The following MFSD8 variants were observed in gnomAD, a reference collection of about 807,000 sequenced individuals.
The protein encoded by MFSD8 is major facilitator superfamily domain-containing protein 8.
A neutral mutation model predicts 66.4 loss-of-function variants in MFSD8; 55 were observed. The ratio of observed to expected loss-of-function variants is 0.83; its 90% confidence interval spans 0.67 to 1.04. MFSD8 has a LOEUF of 1.04. Ranked by LOEUF, MFSD8 falls within the 50% of genes least tolerant of loss-of-function variation. The probability of loss-of-function intolerance (pLI) is 0.00; values close to 1 mark genes in which losing one functional copy is unlikely to be tolerated. For synonymous variants in MFSD8, 202 were observed against 212.8 expected (o/e 0.95, Z 0.44); for missense variants, 550 against 627.6 (o/e 0.88, Z 1.32).
intron 2 of MFSD8, 33 bp from the exon 3 acceptor site, chr4:127,949,880 A>G (rs777003605): frequency 1.3e-6 from 2 of 1,557,848 alleles, no homozygotes; most frequent in Admixed American, 3.4e-5. Context: ...ATTTATACTT[A>G]TAATAATTTA....
chr4:127,952,730 C>T (rs1179248772), intron 2 of MFSD8, among the ~76,000 whole-genome samples: 3 of 151,606 alleles, frequency 2.0e-5, no homozygotes, highest in Middle Eastern at 3.4e-3. Context: ...ATTAGCTGGG[C>T]GTGGTGGCAG....
intron 4 of MFSD8, chr4:127,943,370 T>G (rs893786330): frequency 8.7e-6 from 2 of 229,364 alleles, no homozygotes; most frequent in South Asian, 5.6e-5. Context: ...GAGCTTGAAT[T>G]GGATCTATTT....
chr4:127,949,916 G>C (rs1289715585), intron 2 of MFSD8, 69 bp from the exon 3 acceptor site: 1 of 1,380,154 alleles, frequency 7.2e-7, no homozygotes, highest in Non-Finnish European at 1.0e-6. Context: ...ACAATTTTCT[G>C]AACCGTGGCA....
chr4:127,932,669 T>G (rs921973521), intron 8 of MFSD8: 4 of 223,702 alleles, frequency 1.8e-5, no homozygotes, highest in Admixed American at 5.4e-5. Context: ...TAGGAAATTA[T>G]AGAGCTTAAG....
intron 7 of MFSD8, among the ~76,000 whole-genome samples, chr4:127,935,192 C>T (rs1738861637): frequency 6.6e-6 from 1 of 152,154 alleles, no homozygotes; most frequent in African/African-American, 2.4e-5. Flanking sequence ...GGGGTAGGCC[C>T]TGATGGTTGT....
intron 2 of MFSD8, among the ~76,000 whole-genome samples, chr4:127,956,369 G>A (rs1360137209): frequency 3.3e-5 from 5 of 151,052 alleles, no homozygotes; most frequent in South Asian, 2.1e-4. Context: ...GCGTGGTGGC[G>A]GGTGTCTGTA....
chr4:127,929,363 A>T lies in MFSD8; in HGVS notation c.998+1320T>A, dbSNP rs556145431. Among the ~76,000 whole-genome samples the T allele has an allele frequency of 5.5e-5, 8 of 144,230 alleles. No individual in the cohort carries two copies. In the East Asian group the frequency reaches 1.4e-3, roughly 25 times the overall value. The allele number at this position is 144,230 out of a possible 152,430, so 94.6% of individuals were successfully genotyped here. ...AAAAAAAAAAAAGAATCTCATGAAG[A>T]TAGAGAGTAGATTGGTGAGCCCAGG... is the stretch of plus-strand genomic sequence containing the variant. On this transcript the variant is annotated intron_variant, in intron 9 of 11. Coordinates refer to ENST00000641686, the MANE Select transcript of MFSD8 (RefSeq NM_001371596.2).
At position 127,957,504 on chromosome 4, in the gene MFSD8, C is replaced by A. The variant is rs1408300356; in HGVS notation, c.151G>T (p.Val51Leu). 1.3e-6 allele frequency: 2 copies of A among 1,594,266 alleles called. No homozygotes were observed. Among genetic ancestry groups the A allele is most frequent in the Admixed American group, 1.7e-5 (1 of 59,838 alleles). ...ATTATGTATTTCTAATACTTACCTA[C>A]ACTGCTGAGAAACATAGTAAGATAT... is the stretch of plus-strand genomic sequence containing the variant. Reference protein sequence around the residue: ...ILYLTMFLSSVGFSVVMMSIW... With the variant: ...ILYLTMFLSSLGFSVVMMSIW... The change falls in exon 2 of 12, where the codon GTA becomes TTA. Residue 51 changes from valine to leucine, a missense_variant. Val to Leu is a conservative substitution (Grantham distance 32). Transcript: ENST00000641686.
At chr4:127,963,361 G>A (rs1317897061) in intron 1 of MFSD8, among the ~76,000 whole-genome samples, 2 of 152,220 alleles carry the variant, frequency 1.3e-5, no homozygotes, top group Admixed American at 1.3e-4. Context: ...GAATGCAGAA[G>A]ATACAGAATG....
chr4:127,956,135 A>C (rs1742819115), intron 2 of MFSD8, among the ~76,000 whole-genome samples: 1 of 151,272 alleles, frequency 6.6e-6, no homozygotes, highest in South Asian at 2.1e-4. Flanking sequence ...ATAATAAATA[A>C]TAAAATTTTT....
intron 6 of MFSD8, chr4:127,939,320 A>T (rs1739688180): frequency 6.4e-6 from 1 of 156,152 alleles, no homozygotes; most frequent in South Asian, 1.9e-4. Context: ...TTAGTAAATC[A>T]AGACCAAACC....
chr4:127,940,092 T>A lies in MFSD8; in HGVS notation c.554-95A>T, dbSNP rs559652762. ...ATTTACAACAGAATTGGGAACAATG[T>A]TATGGAATCATCCTTCTATATCATG... On this transcript the variant is annotated intron_variant, in intron 5 of 11. Coordinates refer to ENST00000641686, the MANE Select transcript of MFSD8 (RefSeq NM_001371596.2). 32 of 1,177,648 alleles carry A rather than the reference T, an allele frequency of 2.7e-5. No individual in the cohort carries two copies. The African/African-American group carries it at 4.3e-4, about 16-fold the overall frequency. The allele number at this position is 1,177,648 out of a possible 1,614,324, so 72.9% of individuals were successfully genotyped here. A position where few individuals can be genotyped will look rare whatever the true frequency, so the allele number is the denominator to read the frequency against.
intron 1 of MFSD8, among the ~76,000 whole-genome samples, chr4:127,961,820 CAAA>C (rs4000711): frequency 2.5e-5 from 2 of 80,568 alleles, no homozygotes; most frequent in Admixed American, 3.0e-4. Context: ...GACTCCGTCT[CAAA>C]AAAAAAAAAA....
intron 2 of MFSD8, among the ~76,000 whole-genome samples, chr4:127,950,906 C>G (rs944382430): frequency 1.3e-5 from 2 of 149,458 alleles, no homozygotes; most frequent in Non-Finnish European, 3.0e-5. Context: ...AAAAAAAATA[C>G]AAAAATTAGC....
At chr4:127,940,112 A>G in intron 5 of MFSD8, 115 bp from the exon 6 acceptor site, 1 of 1,020,382 alleles carries the variant, frequency 9.8e-7, no homozygotes, top group Non-Finnish European at 1.4e-6. Context: ...ATCCTTCTAT[A>G]TCATGCATTC....
At chr4:127,963,335 C>T (rs1303266212) in intron 1 of MFSD8, among the ~76,000 whole-genome samples, 1 of 152,176 alleles carries the variant, frequency 6.6e-6, no homozygotes, top group African/African-American at 2.4e-5. Context: ...TGATCAGCTA[C>T]AAAGGGCCAA....
rs1560792591 is a variant in MFSD8 at position 127,965,157 on chromosome 4, T to A, written c.-24A>T. ...ATAGTTACACTCCCTACAAGGCGTC[T>A]TGCGCCCAACTCTCGCGACACCTGC... is the stretch of plus-strand genomic sequence containing the variant. On this transcript the variant is annotated 5_prime_UTR_variant, in exon 1 of 12. The change creates a new upstream start codon in the 5' untranslated region. Transcript: ENST00000641686. 6.2e-7 allele frequency: 1 copy of A among 1,613,674 alleles called. No homozygotes were observed. The highest frequency in any genetic ancestry group is 8.5e-7 in the Non-Finnish European group (1 of 1,179,946).
intron 2 of MFSD8, among the ~76,000 whole-genome samples, chr4:127,957,296 T>C (rs1560775701): frequency 6.6e-6 from 1 of 152,210 alleles, no homozygotes; most frequent in African/African-American, 2.4e-5. Flanking sequence ...TTTTGCAAGA[T>C]GAAAATGTTC....
intron 3 of MFSD8, among the ~76,000 whole-genome samples, chr4:127,945,157 G>A (rs561499386): frequency 6.6e-6 from 1 of 152,086 alleles, no homozygotes; most frequent in East Asian, 1.9e-4. Context: ...CTCCAGTCTG[G>A]GCAACATAGG....
Sources: allele counts gnomAD v4.1 joint callset (sites outside exome capture counted in the v4.1 genomes callset), GRCh38; gene constraint gnomAD v4.1.1; transcripts MANE v1.5; gene names NCBI Gene and HGNC (gene_info 2026-07-23, HGNC 2026-07-21).